Variants in DACH2 observed in about 807,000 individuals in gnomAD.
DACH2 encodes dachshund family transcription factor 2.
In DACH2, 17 loss-of-function variants were observed where a neutral mutation model predicts 35.8. The ratio of observed to expected loss-of-function variants is 0.48; its 90% CI spans 0.33 to 0.71. DACH2 has a LOEUF of 0.71. Ranked by LOEUF, DACH2 falls within the 30% of genes least tolerant of loss-of-function variation. The pLI, the probability that DACH2 is intolerant of heterozygous loss-of-function variation, is 0.02. For synonymous variants in DACH2, 195 were observed against 177.3 expected (o/e 1.10, Z -0.79); for missense variants, 469 against 472.7 (o/e 0.99, Z 0.07).
chrX:86,426,961 G>A (rs781764483), intron 2 of DACH2, among the ~76,000 whole-genome samples: 2 of 112,328 alleles, frequency 1.8e-5, no homozygotes, highest in South Asian at 7.2e-4. Context: ...TTTAGAAAGT[G>A]CCTATCAGGC....
chrX:86,685,972 G>A (rs1349873605), intron 4 of DACH2, among the ~76,000 whole-genome samples: 4 of 111,163 alleles, frequency 3.6e-5, no homozygotes, highest in South Asian at 3.8e-4. Context: ...TATTTACTGC[G>A]AAGTGACTTG....
intron 3 of DACH2, among the ~76,000 whole-genome samples, chrX:86,585,930 A>T (rs1185671989): frequency 9.0e-6 from 1 of 111,450 alleles, no homozygotes; most frequent in African/African-American, 3.3e-5. Flanking sequence ...TATATACCCA[A>T]TAGTGGAATT....
intron 5 of DACH2, among the ~76,000 whole-genome samples, chrX:86,699,164 G>T (rs1021751439): frequency 5.4e-5 from 6 of 111,692 alleles, no homozygotes; most frequent in Non-Finnish European, 1.1e-4. Flanking sequence ...GAGCATCAAA[G>T]CAGAAAGTGA....
intron 6 of DACH2, among the ~76,000 whole-genome samples, chrX:86,720,427 C>T (rs1193524104): frequency 9.0e-6 from 1 of 111,613 alleles, no homozygotes; most frequent in East Asian, 2.8e-4. Context: ...GGGAGAAATT[C>T]AGCCAAAACA....
intron 3 of DACH2, among the ~76,000 whole-genome samples, chrX:86,611,685 C>T (rs1229611177): frequency 9.0e-6 from 1 of 110,957 alleles, no homozygotes; most frequent in Non-Finnish European, 1.9e-5. Flanking sequence ...TTTTCCTTAC[C>T]GCTGTGACAG....
intron 1 of DACH2, among the ~76,000 whole-genome samples, chrX:86,191,429 G>GTA (rs1193042655): frequency 9.0e-6 from 1 of 111,166 alleles, no homozygotes; most frequent in African/African-American, 3.3e-5. Context: ...TAAGCCTCAA[G>GTA]TATATATAGA....
chrX:86,563,219 G>A (rs570287527), intron 3 of DACH2, among the ~76,000 whole-genome samples: 2 of 109,870 alleles, frequency 1.8e-5, no homozygotes, highest in South Asian at 7.6e-4. Context: ...AAAATAGTAG[G>A]GAGTTTTAAA....
At chrX:86,831,749 C>T (rs1481786870) in intron 11 of DACH2, 2 of 124,505 alleles carry the variant, frequency 1.6e-5, no homozygotes, top group African/African-American at 3.3e-5. Context: ...ATACTCTTTT[C>T]CCCCTGTTTT....
chrX:86,684,166 A>G (rs1391420355), intron 4 of DACH2, among the ~76,000 whole-genome samples: 1 of 111,765 alleles, frequency 8.9e-6, no homozygotes, highest in Non-Finnish European at 1.9e-5. Context: ...ATTGGCCACA[A>G]AAGATCATAA....
At chrX:86,329,215 G>C (rs1006530805) in intron 1 of DACH2, among the ~76,000 whole-genome samples, 5 of 110,891 alleles carry the variant, frequency 4.5e-5, no homozygotes, top group Non-Finnish European at 9.4e-5. Flanking sequence ...AGCACAAACA[G>C]AGTATACTTT....
At chrX:86,279,066 C>T (rs191712751) in intron 1 of DACH2, among the ~76,000 whole-genome samples, 451 of 112,089 alleles carry the variant, frequency 4.0e-3, no homozygotes, top group Admixed American at 6.0e-3. Context: ...GATAAAACTC[C>T]CATCTCCCTG....
At position 86,682,261 on chromosome X, in the gene DACH2, C is replaced by T. The variant is rs369125730; in HGVS notation, c.773-12760C>T. Among the ~76,000 whole-genome samples, 13 of 111,898 alleles carry T rather than the reference C, an allele frequency of 1.2e-4. No homozygotes were observed. In the East Asian group the frequency reaches 3.4e-3, roughly 29 times the overall value. ...ATTCTAAACTGTGCACATTCACAGT[C>T]AAAGCCTCAGTTAAAAGCACTTATA... is the stretch of plus-strand genomic sequence containing the variant. On this transcript the variant is annotated intron_variant, in intron 4 of 11. Coordinates refer to ENST00000373125, the MANE Select transcript of DACH2 (RefSeq NM_053281.3).
At chrX:86,831,243 TTTAGA>T (rs1301945617) in intron 11 of DACH2, 1 of 111,616 alleles carries the variant, frequency 9.0e-6, no homozygotes, top group Non-Finnish European at 1.9e-5. Context: ...GACTTAATAT[TTTAGA>T]TTAGACATAT....
intron 3 of DACH2, among the ~76,000 whole-genome samples, chrX:86,521,573 G>A (rs2038555513): frequency 8.9e-6 from 1 of 111,980 alleles, no homozygotes; most frequent in African/African-American, 3.2e-5. Context: ...CATCAAGTGA[G>A]CCATTGAGAC....
chrX:86,660,581 C>CG (rs745576202), intron 4 of DACH2, among the ~76,000 whole-genome samples: 2 of 111,632 alleles, frequency 1.8e-5, no homozygotes, highest in East Asian at 5.6e-4. Flanking sequence ...TGTTCATAAA[C>CG]GGAGTTTACA....
chrX:86,178,661 T>C (rs1344237325), intron 1 of DACH2, among the ~76,000 whole-genome samples: 1 of 111,347 alleles, frequency 9.0e-6, no homozygotes, highest in Non-Finnish European at 1.9e-5. Flanking sequence ...ATTAATGCTT[T>C]CTACTTTCTA....
chrX:86,415,027 A>G lies in DACH2; in HGVS notation c.527+38165A>G, dbSNP rs766045211. Among the ~76,000 whole-genome samples the G allele has an allele frequency of 6.3e-5, 7 of 111,876 alleles. No homozygotes were observed. The South Asian group carries it at 2.6e-3, about 42-fold the overall frequency. ...CAATCCAATCAAGTTGACACTCAGTATTAAGCGTCACAGTACATGTGAATG... is the reference window on the plus strand; with the variant it reads ...CAATCCAATCAAGTTGACACTCAGTGTTAAGCGTCACAGTACATGTGAATG... On this transcript the variant is annotated intron_variant, in intron 2 of 11. Transcript: ENST00000373125.
intron 2 of DACH2, among the ~76,000 whole-genome samples, chrX:86,439,645 T>G (rs2037127455): frequency 9.0e-6 from 1 of 111,601 alleles, no homozygotes; most frequent in Non-Finnish European, 1.9e-5. Context: ...CTAATTTTTC[T>G]TCTTTCTTCT....
intron 3 of DACH2, among the ~76,000 whole-genome samples, chrX:86,562,634 T>C (rs1003331407): frequency 3.6e-5 from 4 of 111,865 alleles, no homozygotes; most frequent in African/African-American, 9.7e-5. Flanking sequence ...TGTGTGTGCA[T>C]ACAGATATTT....
Sources: gnomAD v4.1 joint callset for allele counts (sites outside exome capture counted in the v4.1 genomes callset) on GRCh38, gnomAD v4.1.1 for gene constraint, MANE v1.5 for transcripts, NCBI Gene and HGNC (gene_info 2026-07-23, HGNC 2026-07-21) for gene names.